The following R3HCC1 variants were observed in gnomAD, a reference collection of about 807,000 sequenced individuals.
R3HCC1 encodes the protein R3H domain and coiled-coil containing 1, also known as R3H and coiled-coil domain-containing protein 1.
In R3HCC1, 32 loss-of-function variants were observed where a neutral mutation model predicts 40.0. The observed-to-expected ratio is 0.80, with a 90% confidence interval of 0.60 to 1.07. The LOEUF (loss-of-function observed/expected upper bound fraction) is 1.07, where lower values mean the gene tolerates loss of function less well. Ranked by LOEUF, R3HCC1 falls within the 50% of genes least tolerant of loss-of-function variation. R3HCC1 has a pLI of 0.00. For synonymous variants in R3HCC1, 237 were observed against 232.8 expected (o/e 1.02, Z -0.17); for missense variants, 586 against 563.3 (o/e 1.04, Z -0.41).
At chr8:23,294,231 G>T (rs1466665476) in intron 6 of R3HCC1, among the ~76,000 whole-genome samples, 1 of 152,186 alleles carries the variant, frequency 6.6e-6, no homozygotes, top group Non-Finnish European at 1.5e-5. Flanking sequence ...TGTGGCTGGG[G>T]TTGGCCATGG....
In R3HCC1 at chr8:23,289,068, A is replaced by C. The variant is rs1346084091; in HGVS notation, c.163A>C (p.Thr55Pro). ...TCGCCTCCGGTACCTGATCCATAGA[A>C]CAGCAGAGAATTTTGATCTCTTGAG... Residue 55 changes from threonine (T) to proline (P), a missense_variant, in exon 3 of 8, where the codon ACA (threonine) becomes CCA (proline). By Grantham distance (38) the Thr-to-Pro change is conservative. Transcript: ENST00000265806. 1 of 1,536,494 alleles carries C rather than the reference A, an allele frequency of 6.5e-7. No individual in the cohort carries two copies. The highest frequency in any genetic ancestry group is 8.7e-7 in the Non-Finnish European group (1 of 1,147,020).
In R3HCC1 at chr8:23,288,155, G is replaced by C. The variant is rs540901840; in HGVS notation, c.-21G>C. ...GGCGGCTGCGACGCGCCGAGAGGCC[G>C]CGGTGAGTGCAGCAGCACTGGGGGG... On this transcript the variant is annotated splice_region_variant and 5_prime_UTR_variant, in exon 1 of 8. Transcript: ENST00000265806. The C allele has an allele frequency of 4.0e-6, 5 of 1,246,692 alleles. No individual in the cohort carries two copies. The highest frequency in any genetic ancestry group is 2.3e-4 in the Middle Eastern group (1 of 4,338). The allele number at this position is 1,246,692 out of a possible 1,614,324, so 77.2% of individuals were successfully genotyped here.
In R3HCC1 at chr8:23,289,051, G is replaced by A; in HGVS notation, c.146G>A (p.Arg49Gln). Residue 49 changes from arginine to glutamine, a missense_variant, in exon 3 of 8, where the codon CGG becomes CAG. Transcript: ENST00000265806. Reference sequence around the variant, plus strand: ...TTCCCCCCACTCTCCAGTCGCCTCCGGTACCTGATCCATAGAACAGCAGAG... The same window carrying A: ...TTCCCCCCACTCTCCAGTCGCCTCCAGTACCTGATCCATAGAACAGCAGAG... 2.0e-6 allele frequency: 3 copies of A among 1,536,572 alleles called. No homozygotes were observed. Among genetic ancestry groups the A allele is most frequent in the Non-Finnish European group, 2.6e-6 (3 of 1,146,998 alleles).
chr8:23,291,294 C>CGT (rs1563179231), intron 4 of R3HCC1, 67 bp from the exon 5 acceptor site: 2 of 1,507,648 alleles, frequency 1.3e-6, no homozygotes, highest in African/African-American at 2.8e-5. Flanking sequence ...GCTCTCAGCG[C>CGT]GTGGGCTAGT....
At chr8:23,288,418 T>C in intron 1 of R3HCC1, 88 bp from the exon 2 acceptor site, 1 of 1,499,214 alleles carries the variant, frequency 6.7e-7, no homozygotes, top group Non-Finnish European at 8.9e-7. Context: ...AGAGGGTTTC[T>C]AAGGCCCTTT....
chr8:23,295,821 G>C (rs954052213), intron 7 of R3HCC1, 146 bp from the exon 8 acceptor site: 2 of 1,227,734 alleles, frequency 1.6e-6, no homozygotes, highest in African/African-American at 3.1e-5. Context: ...ATGAGCATCC[G>C]GCCACACCAC....
chr8:23,296,272 T>A lies in R3HCC1; in HGVS notation c.*175T>A. 1 of 738,306 alleles carries A rather than the reference T, an allele frequency of 1.4e-6. No individual in the cohort carries two copies. Among genetic ancestry groups the A allele is most frequent in the African/African-American group, 1.8e-5 (1 of 55,948 alleles). 45.7% of individuals were successfully genotyped at this position (738,306 alleles called of 1,614,324 possible). On this transcript the variant is annotated 3_prime_UTR_variant, in exon 8 of 8. Coordinates refer to ENST00000265806, the MANE Select transcript of R3HCC1 (RefSeq NM_001136108.3). ...GAAAAAATAAAAACTCACGTTGTTC[T>A]AATGTGATCACTTTGAAATGTGGTC...
chr8:23,289,123 G>C lies in R3HCC1; in HGVS notation c.218G>C (p.Arg73Thr). 6.5e-7 allele frequency: 1 copy of C among 1,536,332 alleles called. No homozygotes were observed. The highest frequency in any genetic ancestry group is 8.7e-7 in the Non-Finnish European group (1 of 1,146,944). The stretch of plus-strand genomic sequence containing the variant: ...TTCTCCGTTGGGGAGGGCTGGAAGA[G>C]GAGGACGGTCATCTGTCACCAGGAC... The change falls in exon 3 of 8, where the codon AGG becomes ACG. Residue 73 changes from arginine (R) to threonine (T), a missense_variant. Arg to Thr is a moderately conservative substitution (Grantham distance 71, BLOSUM62 -1). Coordinates refer to ENST00000265806, the MANE Select transcript of R3HCC1 (RefSeq NM_001136108.3).
intron 7 of R3HCC1, 77 bp from the exon 8 acceptor site, chr8:23,295,890 G>A: frequency 2.7e-6 from 4 of 1,476,868 alleles, no homozygotes; most frequent in Non-Finnish European, 3.6e-6. Context: ...CTGATGGCTT[G>A]TACGGCTGCT....
rs185519910 is a variant in R3HCC1 at position 23,295,753 on chromosome 8, C to G, written c.1193-214C>G. 189 of 630,684 alleles carry G rather than the reference C, an allele frequency of 3.0e-4. 1 individual carries two copies. Among genetic ancestry groups the G allele is most frequent in the Non-Finnish European group, 4.7e-4 (174 of 368,324 alleles). 39.1% of individuals were successfully genotyped at this position (630,684 alleles called of 1,614,324 possible). Reference sequence around the variant, plus strand: ...ACAGAGAAACAAGGGCATGTAGAGGCGACAAGTTTGGGTCAGCATCCCCTG... The same window carrying G: ...ACAGAGAAACAAGGGCATGTAGAGGGGACAAGTTTGGGTCAGCATCCCCTG... On this transcript the variant is annotated intron_variant, in intron 7 of 7. Coordinates refer to ENST00000265806, the MANE Select transcript of R3HCC1 (RefSeq NM_001136108.3).
intron 7 of R3HCC1, chr8:23,295,452 C>T (rs775789481): frequency 6.6e-6 from 3 of 456,958 alleles, no homozygotes; most frequent in African/African-American, 4.0e-5. Context: ...TCCCCTTCTA[C>T]TTCCAGAAAC....
Position 23,290,487 on chromosome 8 carries a change from C to A in R3HCC1, c.852+18C>A. ...TGCAGGAGGTGATGAGGCTCTTGAG[C>A]CCGAAAAGGGAGGGCGGAGGTGAGG... On this transcript the variant is annotated intron_variant, in intron 4 of 7. Transcript: ENST00000265806. 6.5e-7 allele frequency: 1 copy of A among 1,537,670 alleles called. No homozygotes were observed. The highest frequency in any genetic ancestry group is 1.2e-5 in the South Asian group (1 of 81,662).
At chr8:23,291,741 C>T (rs1337387744) in intron 5 of R3HCC1, among the ~76,000 whole-genome samples, 1 of 152,260 alleles carries the variant, frequency 6.6e-6, no homozygotes, top group Admixed American at 6.5e-5. Context: ...TGGTTGTAGA[C>T]ACACCCTGCA....
At chr8:23,291,666 G>C (rs1802869893) in intron 5 of R3HCC1, 133 bp downstream of exon 5, 1 of 1,405,410 alleles carries the variant, frequency 7.1e-7, no homozygotes. Flanking sequence ...TGTGTTGCCT[G>C]GGCTCTGTAT....
chr8:23,293,961 G>T (rs1488400409), intron 6 of R3HCC1, among the ~76,000 whole-genome samples: 1 of 152,082 alleles, frequency 6.6e-6, no homozygotes, highest in African/African-American at 2.4e-5. Context: ...CCACACCACC[G>T]TGCTTACATT....
In R3HCC1 at chr8:23,294,785, C is replaced by A. The variant is rs887549885; in HGVS notation, c.1113C>A (p.Thr371=). 28 of 1,551,090 alleles carry A rather than the reference C, an allele frequency of 1.8e-5. No homozygotes were observed. Among genetic ancestry groups the A allele is most frequent in the Non-Finnish European group, 2.4e-5 (28 of 1,146,904 alleles). The stretch of plus-strand genomic sequence containing the variant: ...TTTCCACAGCTGCGGAAGCCCTGAC[C>A]CGGGAGTTCTCGGTGCTCAAGATCC... Residue 371 remains threonine, a synonymous_variant, in exon 7 of 8, where the codon ACC becomes ACA. Transcript: ENST00000265806.
chr8:23,290,491 A>G, intron 4 of R3HCC1, 22 bp downstream of exon 4: 1 of 1,532,466 alleles, frequency 6.5e-7, no homozygotes, highest in Non-Finnish European at 8.8e-7. Flanking sequence ...CTTGAGCCCG[A>G]AAAGGGAGGG....
chr8:23,288,735 G>A (rs933118404), intron 2 of R3HCC1, 102 bp downstream of exon 2: 2 of 1,408,774 alleles, frequency 1.4e-6, no homozygotes, highest in Non-Finnish European at 1.9e-6. Context: ...AGCTGGCTCT[G>A]ACCTTGGCCT....
At chr8:23,291,964 C>T (rs933796961) in intron 5 of R3HCC1, among the ~76,000 whole-genome samples, 14 of 152,324 alleles carry the variant, frequency 9.2e-5, no homozygotes, top group South Asian at 2.1e-4. Flanking sequence ...GAGTGGAGGT[C>T]GGAATGGTGG....
Sources: gnomAD v4.1 joint callset for allele counts (sites outside exome capture counted in the v4.1 genomes callset) on GRCh38, gnomAD v4.1.1 for gene constraint, MANE v1.5 for transcripts, NCBI Gene and HGNC (gene_info 2026-07-23, HGNC 2026-07-21) for gene names.